SAMHD1: variants seen among roughly 807,000 people sequenced by gnomAD.
SAMHD1 encodes deoxynucleoside triphosphate triphosphohydrolase SAMHD1.
In SAMHD1, 54 loss-of-function variants were observed where a neutral mutation model predicts 79.6. The ratio of observed to expected loss-of-function variants is 0.68; its 90% CI spans 0.55 to 0.85. The LOEUF (loss-of-function observed/expected upper bound fraction) is 0.85, where lower values mean the gene tolerates loss of function less well. SAMHD1 is among the 40% of genes least tolerant of loss of function. The pLI is 0.00. For missense variants in SAMHD1, 663 were observed against 782.7 expected, an observed-to-expected ratio of 0.85 and a Z score of 1.82; for synonymous variants, 260 against 264.1, an observed-to-expected ratio of 0.98 and a Z score of 0.15.
At chr20:36,889,926 T>C (rs1387200561), downstream of SAMHD1, 1 of 152,286 alleles carries the variant, frequency 6.6e-6, no homozygotes, top group East Asian at 1.9e-4. Context: ...TGTGTGTGTG[T>C]GTGTATACTT....
chr20:36,895,915 A>G (rs1280851163), intron 15 of SAMHD1, among the ~76,000 whole-genome samples: 2 of 152,104 alleles, frequency 1.3e-5, no homozygotes, highest in African/African-American at 4.8e-5. Flanking sequence ...GATTCCCTAA[A>G]CAATACAGTA....
chr20:36,922,551 T>G (rs2063512307), intron 6 of SAMHD1, among the ~76,000 whole-genome samples: 1 of 152,168 alleles, frequency 6.6e-6, no homozygotes, highest in African/African-American at 2.4e-5. Context: ...GCTGATGTTT[T>G]CATAATTTTG....
intron 1 of SAMHD1, among the ~76,000 whole-genome samples, chr20:36,949,415 G>A (rs1003627329): frequency 8.0e-5 from 12 of 149,750 alleles, no homozygotes. Context: ...CCAAGAGTTT[G>A]AGACCAGCCT....
At chr20:36,897,616 T>C in intron 15 of SAMHD1, 1 of 623,200 alleles carries the variant, frequency 1.6e-6, no homozygotes, top group Non-Finnish European at 2.8e-6. Flanking sequence ...TGCTAAACAG[T>C]ATCCATTCCC....
At position 36,930,138 on chromosome 20, in the gene SAMHD1, C is replaced by T. The variant is rs534251477; in HGVS notation, c.625+622G>A. Among the ~76,000 whole-genome samples the T allele has an allele frequency of 9.5e-5, 14 of 147,944 alleles. 1 individual carries two copies. The highest frequency in any genetic ancestry group is 1.9e-4 in the Non-Finnish European group (13 of 66,904). On this transcript the variant is annotated intron_variant, in intron 5 of 15. Transcript: ENST00000646673. ...AAGGATAAAAGAAAAATAAAATTCA[C>T]ATATCATCCTAAAAGCAGTAGTAAG...
At chr20:36,930,137 A>C (rs1205461758) in intron 5 of SAMHD1, among the ~76,000 whole-genome samples, 2 of 152,036 alleles carry the variant, frequency 1.3e-5, no homozygotes, top group African/African-American at 4.8e-5. Flanking sequence ...AATAAAATTC[A>C]CATATCATCC....
intron 6 of SAMHD1, among the ~76,000 whole-genome samples, chr20:36,925,861 T>C (rs954358420): frequency 6.6e-6 from 1 of 152,212 alleles, no homozygotes; most frequent in East Asian, 1.9e-4. Context: ...TCCAGTATGT[T>C]GCTGATGGGA....
chr20:36,897,558 T>C, intron 15 of SAMHD1: 1 of 508,050 alleles, frequency 2.0e-6, no homozygotes, highest in Non-Finnish European at 3.6e-6. Context: ...GTGAACAACA[T>C]TAGAAAGCAT....
chr20:36,930,541 C>G (rs1306377992), intron 5 of SAMHD1, among the ~76,000 whole-genome samples: 1 of 151,526 alleles, frequency 6.6e-6, no homozygotes, highest in Non-Finnish European at 1.5e-5. Flanking sequence ...AGATGTTTAA[C>G]ATGAGAAATT....
intron 2 of SAMHD1, among the ~76,000 whole-genome samples, chr20:36,942,584 C>T (rs2063653364): frequency 6.6e-6 from 1 of 152,106 alleles, no homozygotes; most frequent in Non-Finnish European, 1.5e-5. Flanking sequence ...TGTGTTCCAA[C>T]ATTTCTGAAA....
chr20:36,907,539 C>CTTT (rs71186087), intron 11 of SAMHD1, among the ~76,000 whole-genome samples: 15 of 125,832 alleles, frequency 1.2e-4, no homozygotes, highest in East Asian at 2.3e-4. Context: ...ATAAAGATGA[C>CTTT]TTTTTTTTTT....
At chr20:36,927,105 C>A (rs192387759) in intron 6 of SAMHD1, 77 bp downstream of exon 6, 1 of 1,300,338 alleles carries the variant, frequency 7.7e-7, no homozygotes, top group East Asian at 2.3e-5. Context: ...AGTAGTGGAA[C>A]CAAACAGATA....
intron 2 of SAMHD1, among the ~76,000 whole-genome samples, chr20:36,943,117 T>TG (rs373174122): frequency 9.9e-5 from 15 of 152,056 alleles, no homozygotes; most frequent in African/African-American, 3.1e-4. Context: ...GCACAGGGAT[T>TG]GGGGGGTCTA....
intron 9 of SAMHD1, among the ~76,000 whole-genome samples, chr20:36,914,748 T>G (rs912743718): frequency 6.6e-6 from 1 of 151,532 alleles, no homozygotes; most frequent in Non-Finnish European, 1.5e-5. Flanking sequence ...GGCTCACACA[T>G]GTAATACCAG....
At chr20:36,934,966 C>T in intron 4 of SAMHD1, 63 bp downstream of exon 4, 2 of 1,548,260 alleles carry the variant, frequency 1.3e-6, no homozygotes, top group African/African-American at 1.4e-5. Flanking sequence ...CCTAAGATAA[C>T]TATTTCATGA....
chr20:36,910,209 C>A (rs2063429304), intron 11 of SAMHD1, among the ~76,000 whole-genome samples: 1 of 133,936 alleles, frequency 7.5e-6, no homozygotes, highest in African/African-American at 2.9e-5. Context: ...GGCGACAGAG[C>A]AAGACTCCGT....
intron 11 of SAMHD1, among the ~76,000 whole-genome samples, chr20:36,905,830 G>A (rs980467858): frequency 9.2e-5 from 14 of 152,146 alleles, no homozygotes; most frequent in African/African-American, 3.4e-4. Flanking sequence ...AAAATTAGCT[G>A]GGTGTAGTGG....
At chr20:36,904,617 T>C in intron 12 of SAMHD1, 1 of 298,714 alleles carries the variant, frequency 3.3e-6, no homozygotes, top group South Asian at 3.1e-5. Context: ...CTCGGGAGGC[T>C]TAGGCTGGAG....
chr20:36,945,858 C>T (rs1421427362), intron 2 of SAMHD1, among the ~76,000 whole-genome samples: 2 of 151,904 alleles, frequency 1.3e-5, no homozygotes, highest in Admixed American at 6.6e-5. Flanking sequence ...GAGCCGGGAT[C>T]GCACCATTGC....
Sources: allele counts gnomAD v4.1 joint callset (sites outside exome capture counted in the v4.1 genomes callset), GRCh38; gene constraint gnomAD v4.1.1; transcripts MANE v1.5; gene names NCBI Gene and HGNC (gene_info 2026-07-23, HGNC 2026-07-21).